Variants in ATXN7L1 observed in about 807,000 individuals in gnomAD.
ATXN7L1 encodes ataxin-7-like protein 1.
In ATXN7L1, 15 loss-of-function variants were observed where a neutral mutation model predicts 70.8. The observed-to-expected ratio is 0.21, with a 90% CI of 0.14 to 0.33. The LOEUF (loss-of-function observed/expected upper bound fraction) is 0.33. Ranked by LOEUF, ATXN7L1 falls within the 10% of genes least tolerant of loss-of-function variation. The pLI is 1.00. For synonymous variants in ATXN7L1, 440 were observed against 445.1 expected, an observed-to-expected ratio of 0.99 and a Z score of 0.14; for missense variants, 975 against 1,097.1, an observed-to-expected ratio of 0.89 and a Z score of 1.57.
intron 3 of ATXN7L1, among the ~76,000 whole-genome samples, chr7:105,724,231 G>A (rs775211509): frequency 2.0e-5 from 3 of 152,140 alleles, no homozygotes; most frequent in Non-Finnish European, 4.4e-5. Flanking sequence ...TTGGAAGTTT[G>A]GATGGATGTG....
intron 2 of ATXN7L1, among the ~76,000 whole-genome samples, chr7:105,807,329 G>A (rs1186136187): frequency 6.6e-6 from 1 of 152,202 alleles, no homozygotes; most frequent in African/African-American, 2.4e-5. Flanking sequence ...GGTAAATGCT[G>A]TGCAGAATTT....
At chr7:105,730,599 G>A (rs1345433396) in intron 3 of ATXN7L1, among the ~76,000 whole-genome samples, 2 of 152,142 alleles carry the variant, frequency 1.3e-5, no homozygotes, top group African/African-American at 2.4e-5. Flanking sequence ...GGGCGTGGTG[G>A]CATGTGCCTG....
At chr7:105,796,447 G>A (rs894636599) in intron 2 of ATXN7L1, among the ~76,000 whole-genome samples, 1 of 152,198 alleles carries the variant, frequency 6.6e-6, no homozygotes, top group Non-Finnish European at 1.5e-5. Flanking sequence ...CTACGGATGT[G>A]ACAAACCTGT....
chr7:105,866,802 G>A (rs1026209399), intron 2 of ATXN7L1, among the ~76,000 whole-genome samples: 28 of 152,134 alleles, frequency 1.8e-4, no homozygotes, highest in Non-Finnish European at 3.8e-4. Flanking sequence ...TCTCCATTAC[G>A]GCTATGTTTG....
chr7:105,641,766 A>G (rs1258908066), intron 5 of ATXN7L1, among the ~76,000 whole-genome samples: 1 of 152,362 alleles, frequency 6.6e-6, no homozygotes, highest in African/African-American at 2.4e-5. Flanking sequence ...TTCTTTCTTG[A>G]CAGTGGGTGA....
intron 7 of ATXN7L1, among the ~76,000 whole-genome samples, chr7:105,629,522 A>AC (rs2115844233): frequency 6.9e-6 from 1 of 145,762 alleles, no homozygotes; most frequent in East Asian, 2.0e-4. Context: ...TTACTTATTT[A>AC]TTTTTTTTTT....
intron 3 of ATXN7L1, among the ~76,000 whole-genome samples, chr7:105,687,339 C>A (rs1790063553): frequency 6.6e-6 from 1 of 152,154 alleles, no homozygotes. Flanking sequence ...ATGTCTTAAT[C>A]CCTAGTACCC....
chr7:105,804,156 G>A (rs1424488012), intron 2 of ATXN7L1, among the ~76,000 whole-genome samples: 2 of 152,186 alleles, frequency 1.3e-5, no homozygotes, highest in Admixed American at 6.5e-5. Context: ...AGTCTTCCTG[G>A]ATGCCCTGTC....
At chr7:105,826,101 G>A (rs1269077375) in intron 2 of ATXN7L1, among the ~76,000 whole-genome samples, 1 of 152,218 alleles carries the variant, frequency 6.6e-6, no homozygotes, top group Non-Finnish European at 1.5e-5. Context: ...AGCTAAAAGA[G>A]TGAAAAGTGG....
chr7:105,667,698 CAAAA>C (rs397890100), intron 3 of ATXN7L1, among the ~76,000 whole-genome samples: 1 of 47,066 alleles, frequency 2.1e-5, no homozygotes. Context: ...GACTCCGTCT[CAAAA>C]AAAAAAAAAA....
chr7:105,605,678 T>C lies in ATXN7L1; in HGVS notation c.*2174A>G, dbSNP rs1562878981. The C allele has an allele frequency of 6.6e-6, 1 of 152,224 alleles. No individual in the cohort carries two copies. Among genetic ancestry groups the C allele is most frequent in the African/African-American group, 2.4e-5 (1 of 41,454 alleles). The allele number at this position is 152,224 out of a possible 1,614,324, so 9.4% of individuals were successfully genotyped here. A position where few individuals can be genotyped will look rare whatever the true frequency, so the allele number is the denominator to read the frequency against. On this transcript the variant is annotated 3_prime_UTR_variant, in exon 12 of 12. Coordinates refer to ENST00000419735, the MANE Select transcript of ATXN7L1 (RefSeq NM_020725.2). ...TTATTTTGTTGTGGAGATTTTGTTT[T>C]TTGTTTTTACTCCTGCAAGTTTTAC... is the stretch of plus-strand genomic sequence containing the variant.
At chr7:105,737,376 T>G (rs1797499391) in intron 3 of ATXN7L1, among the ~76,000 whole-genome samples, 1 of 152,252 alleles carries the variant, frequency 6.6e-6, no homozygotes. Context: ...ACTGCTTTAC[T>G]TGTACTAAAC....
chr7:105,613,554 A>G, intron 10 of ATXN7L1: 1 of 1,295,494 alleles, frequency 7.7e-7, no homozygotes, highest in Non-Finnish European at 9.9e-7. Context: ...GGAACTCAGA[A>G]TCTCTCTGTG....
At chr7:105,817,034 A>C (rs1427621912) in intron 2 of ATXN7L1, among the ~76,000 whole-genome samples, 1 of 152,234 alleles carries the variant, frequency 6.6e-6, no homozygotes, top group Non-Finnish European at 1.5e-5. Flanking sequence ...TAAAAAAGCA[A>C]CATTTTCCCA....
intron 8 of ATXN7L1, 51 bp from the exon 9 acceptor site, chr7:105,620,372 T>C: frequency 6.8e-7 from 1 of 1,471,812 alleles, no homozygotes; most frequent in Non-Finnish European, 9.1e-7. Context: ...TAAGCTAATA[T>C]AAACTATACA....
intron 3 of ATXN7L1, among the ~76,000 whole-genome samples, chr7:105,726,480 G>C (rs890548242): frequency 3.3e-5 from 5 of 152,150 alleles, no homozygotes; most frequent in South Asian, 2.1e-4. Flanking sequence ...GGCAGAACCA[G>C]GTGTGGACAA....
intron 3 of ATXN7L1, among the ~76,000 whole-genome samples, chr7:105,692,506 G>C (rs1791141080): frequency 1.4e-5 from 2 of 145,618 alleles, no homozygotes; most frequent in African/African-American, 5.1e-5. Context: ...GAGTGCAATG[G>C]CGCTATCTTG....
chr7:105,723,818 C>T (rs1795480468), intron 3 of ATXN7L1, among the ~76,000 whole-genome samples: 1 of 152,168 alleles, frequency 6.6e-6, no homozygotes. Context: ...TTTAACAGGG[C>T]CGCCAGGGTC....
At chr7:105,620,985 G>T (rs1357169518) in intron 8 of ATXN7L1, among the ~76,000 whole-genome samples, 1 of 152,164 alleles carries the variant, frequency 6.6e-6, no homozygotes, top group Non-Finnish European at 1.5e-5. Context: ...TTTTCTCAAG[G>T]AACTTGGTGG....
Sources: gnomAD v4.1 joint callset for allele counts (sites outside exome capture counted in the v4.1 genomes callset) on GRCh38, gnomAD v4.1.1 for gene constraint, MANE v1.5 for transcripts, NCBI Gene and HGNC (gene_info 2026-07-23, HGNC 2026-07-21) for gene names.